Variants in CFAP299 observed in about 807,000 individuals in gnomAD.
CFAP299 encodes cilia- and flagella-associated protein 299.
In CFAP299, 21 loss-of-function variants were observed where a neutral mutation model predicts 27.0. The observed-to-expected ratio is 0.78, with a 90% CI of 0.55 to 1.12. The LOEUF is 1.12. Among genes scored for constraint, CFAP299 ranks in the 50% most tolerant of loss-of-function variants. CFAP299 has a pLI of 0.00. For synonymous variants in CFAP299, 104 were observed against 98.1 expected (o/e 1.06, Z -0.36); for missense variants, 310 against 276.6 (o/e 1.12, Z -0.86).
At chr4:80,354,766 T>C (rs958324520) in intron 1 of CFAP299, among the ~76,000 whole-genome samples, 2 of 151,948 alleles carry the variant, frequency 1.3e-5, no homozygotes, top group East Asian at 3.9e-4. Flanking sequence ...AGTAATAACA[T>C]GTGGTATTTG....
intron 2 of CFAP299, among the ~76,000 whole-genome samples, chr4:80,436,644 CCCT>C (rs953483592): frequency 1.8e-4 from 28 of 152,266 alleles, no homozygotes; most frequent in Middle Eastern, 3.4e-3. Flanking sequence ...CTTTCTGCCT[CCCT>C]TTCTCCATAC....
intron 1 of CFAP299, among the ~76,000 whole-genome samples, chr4:80,359,795 C>T (rs923294416): frequency 2.0e-5 from 3 of 152,092 alleles, no homozygotes; most frequent in African/African-American, 7.2e-5. Context: ...ATCTTTGTTC[C>T]TATCCGTATT....
intron 3 of CFAP299, among the ~76,000 whole-genome samples, chr4:80,705,500 G>A (rs1300536371): frequency 6.6e-6 from 1 of 151,850 alleles, no homozygotes; most frequent in Non-Finnish European, 1.5e-5. Context: ...CTGATTGTAA[G>A]AGAAACTTTA....
At chr4:80,857,905 G>A (rs900500533) in intron 3 of CFAP299, among the ~76,000 whole-genome samples, 1 of 152,094 alleles carries the variant, frequency 6.6e-6, no homozygotes, top group African/African-American at 2.4e-5. Context: ...TTGGTATCAG[G>A]ATGATGCTGG....
chr4:80,501,186 T>G (rs6848986), intron 2 of CFAP299, among the ~76,000 whole-genome samples: 2 of 151,956 alleles, frequency 1.3e-5, no homozygotes, highest in Non-Finnish European at 2.9e-5. Context: ...TACCTTATCC[T>G]TGCTTTTGGT....
intron 3 of CFAP299, among the ~76,000 whole-genome samples, chr4:80,755,989 G>A (rs370435289): frequency 1.1e-4 from 16 of 152,012 alleles, no homozygotes; most frequent in African/African-American, 2.9e-4. Flanking sequence ...GACATGAAGT[G>A]AATAGTGTAT....
intron 3 of CFAP299, among the ~76,000 whole-genome samples, chr4:80,615,537 C>CT (rs34786104): frequency 3.0e-4 from 44 of 145,664 alleles, no homozygotes; most frequent in South Asian, 6.5e-4. Context: ...ATCTTTCTTT[C>CT]TTTTTTTTTT....
chr4:80,391,150 A>G (rs915202799), intron 2 of CFAP299, among the ~76,000 whole-genome samples: 31 of 152,148 alleles, frequency 2.0e-4, no homozygotes, highest in African/African-American at 6.7e-4. Flanking sequence ...TTGATTCTAT[A>G]TCTTGGTTCT....
At chr4:80,327,417 A>G in the CFAP299 span, among the ~76,000 whole-genome samples, 62 of 151,886 alleles carry the variant, frequency 4.1e-4, no homozygotes, top group Non-Finnish European at 8.2e-4. Context: ...AGCCAAGGGA[A>G]TGATTTTGGA....
At chr4:80,602,237 A>G (rs1737394075) in intron 3 of CFAP299, among the ~76,000 whole-genome samples, 1 of 152,180 alleles carries the variant, frequency 6.6e-6, no homozygotes, top group Non-Finnish European at 1.5e-5. Flanking sequence ...AAAAAATTCA[A>G]CAGGTTCCAA....
chr4:80,764,780 T>G (rs926077408), intron 3 of CFAP299, among the ~76,000 whole-genome samples: 3 of 152,194 alleles, frequency 2.0e-5, no homozygotes, highest in Non-Finnish European at 4.4e-5. Context: ...AAGGATGAGT[T>G]CATGCCCTTT....
intron 3 of CFAP299, among the ~76,000 whole-genome samples, chr4:80,635,068 T>C (rs1184234533): frequency 6.6e-6 from 1 of 152,208 alleles, no homozygotes; most frequent in Admixed American, 6.5e-5. Flanking sequence ...TGCAGTTTTC[T>C]TAAAACAGGC....
intron 3 of CFAP299, among the ~76,000 whole-genome samples, chr4:80,868,273 G>T (rs866815608): frequency 6.6e-6 from 1 of 152,174 alleles, no homozygotes; most frequent in Non-Finnish European, 1.5e-5. Flanking sequence ...TTGACAGCTA[G>T]AATCACTTCC....
intron 3 of CFAP299, among the ~76,000 whole-genome samples, chr4:80,752,170 G>A (rs79315520): frequency 0.055 from 8,284 of 151,946 alleles, 340 homozygotes; most frequent in East Asian, 0.22. Flanking sequence ...GCCACTCCCC[G>A]GTAGGCCATC....
chr4:80,894,701 A>G (rs1164187287), intron 4 of CFAP299, among the ~76,000 whole-genome samples: 2 of 152,012 alleles, frequency 1.3e-5, no homozygotes, highest in East Asian at 3.8e-4. Context: ...ATATATTTAA[A>G]AAAATGTAAC....
the CFAP299 span, among the ~76,000 whole-genome samples, chr4:80,325,763 A>G: frequency 6.6e-6 from 1 of 152,228 alleles, no homozygotes; most frequent in Non-Finnish European, 1.5e-5. Context: ...AGCCATTCTT[A>G]ACAGCCAAAA....
At position 80,484,337 on chromosome 4, in the gene CFAP299, AT is replaced by A. The variant is rs1730708970; in HGVS notation, c.243-98755del. 3.3e-5 allele frequency among the ~76,000 whole-genome samples: 5 copies of A among 152,302 alleles called. No individual in the cohort carries two copies. In the South Asian group the frequency reaches 1.0e-3, roughly 32 times the overall value. On this transcript the variant is annotated intron_variant, in intron 2 of 5. Transcript: ENST00000358105. ...AACATTTTCTTGATGACATAAAAAA[AT>A]AAAATATTTTCCCCATATACCTGTA...
At chr4:80,921,079 C>T (rs1578239733) in intron 4 of CFAP299, among the ~76,000 whole-genome samples, 1 of 152,000 alleles carries the variant, frequency 6.6e-6, no homozygotes, top group East Asian at 1.9e-4. Context: ...AAGCACCAAG[C>T]CCAGTTCTCA....
intron 2 of CFAP299, among the ~76,000 whole-genome samples, chr4:80,405,053 A>G (rs1356946033): frequency 1.3e-5 from 2 of 152,178 alleles, no homozygotes; most frequent in African/African-American, 4.8e-5. Flanking sequence ...TGGAAATTAT[A>G]CTAGAGTTGT....
Sources: gnomAD v4.1 joint callset for allele counts (sites outside exome capture counted in the v4.1 genomes callset) on GRCh38, gnomAD v4.1.1 for gene constraint, MANE v1.5 for transcripts, NCBI Gene and HGNC (gene_info 2026-07-23, HGNC 2026-07-21) for gene names.